The following B3GALT1 variants were observed in gnomAD, a reference collection of about 807,000 sequenced individuals.
B3GALT1 encodes UDP-Gal:betaGlcNAc beta 1,3-galactosyltransferase, polypeptide 1.
B3GALT1 carries 10 observed loss-of-function variants against 23.2 expected under a neutral mutation model. That is an observed-to-expected ratio of 0.43 (90% CI 0.27 to 0.73). B3GALT1 has a LOEUF of 0.73. Ranked by LOEUF, B3GALT1 falls within the 30% of genes least tolerant of loss-of-function variation. The pLI is 0.21. For missense variants in B3GALT1, 299 were observed against 405.4 expected (o/e 0.74, Z 2.25); for synonymous variants, 156 against 141.5 (o/e 1.10, Z -0.73).
chr2:167,864,096 C>A (rs776501257), intron 4 of B3GALT1, among the ~76,000 whole-genome samples: 7 of 151,918 alleles, frequency 4.6e-5, no homozygotes, highest in Admixed American at 4.6e-4. Flanking sequence ...TTCAGCTTCC[C>A]CACCCTGCTC....
intron 4 of B3GALT1, among the ~76,000 whole-genome samples, chr2:167,839,102 C>G (rs1398872376): frequency 6.6e-6 from 1 of 152,136 alleles, no homozygotes. Flanking sequence ...GAAGCATTCC[C>G]TTTGAAAACT....
intron 4 of B3GALT1, among the ~76,000 whole-genome samples, chr2:167,823,379 C>T (rs931134145): frequency 6.6e-6 from 1 of 152,056 alleles, no homozygotes; most frequent in Non-Finnish European, 1.5e-5. Flanking sequence ...TCATTCTTAA[C>T]TGTGTGTAAA....
chr2:167,644,518 C>T (rs112149355), intron 2 of B3GALT1, among the ~76,000 whole-genome samples: 7,320 of 152,166 alleles, frequency 0.048, 423 homozygotes, highest in African/African-American at 0.14. Context: ...CAGTGGCTCA[C>T]GCCTGTAATC....
chr2:167,337,452 A>G (rs1697077684), intron 1 of B3GALT1, among the ~76,000 whole-genome samples: 1 of 152,146 alleles, frequency 6.6e-6, no homozygotes, highest in Admixed American at 6.6e-5. Flanking sequence ...TTCTGAGGAA[A>G]TATCTGTCCA....
intron 1 of B3GALT1, among the ~76,000 whole-genome samples, chr2:167,382,946 A>T (rs2105277329): frequency 6.6e-6 from 1 of 152,306 alleles, no homozygotes; most frequent in African/African-American, 2.4e-5. Flanking sequence ...GAAATGTGTT[A>T]AAGGTACAAA....
intron 3 of B3GALT1, among the ~76,000 whole-genome samples, chr2:167,706,984 G>A (rs546046419): frequency 6.6e-6 from 1 of 152,164 alleles, no homozygotes; most frequent in African/African-American, 2.4e-5. Flanking sequence ...TTGCTCTCTT[G>A]GAATGCTTGA....
intron 1 of B3GALT1, among the ~76,000 whole-genome samples, chr2:167,450,223 AT>A (rs61648126): frequency 0.87 from 131,714 of 150,550 alleles, 57,696 homozygotes; most frequent in East Asian, 0.97. Context: ...GTCCTGGAAT[AT>A]TTTTTTTTTT....
At chr2:167,631,405 T>A (rs1400480975) in intron 2 of B3GALT1, 1 of 151,858 alleles carries the variant, frequency 6.6e-6, no homozygotes, top group African/African-American at 2.4e-5. Flanking sequence ...AATTTGCCCT[T>A]TTAAAAACTC....
intron 4 of B3GALT1, among the ~76,000 whole-genome samples, chr2:167,825,458 G>A (rs545292764): frequency 2.1e-5 from 3 of 144,356 alleles, no homozygotes; most frequent in African/African-American, 5.3e-5. Flanking sequence ...GTGTGTGTGC[G>A]TGCACGTGTG....
chr2:167,559,162 T>C (rs1403913494), intron 2 of B3GALT1, among the ~76,000 whole-genome samples: 1 of 152,180 alleles, frequency 6.6e-6, no homozygotes, highest in African/African-American at 2.4e-5. Context: ...GAAAATCCAC[T>C]GTTCTGCAGA....
chr2:167,296,456 T>C (rs1019073489), intron 1 of B3GALT1, among the ~76,000 whole-genome samples: 1 of 152,178 alleles, frequency 6.6e-6, no homozygotes, highest in Non-Finnish European at 1.5e-5. Context: ...TTCATTCTCA[T>C]TTTTTCTTTG....
intron 3 of B3GALT1, among the ~76,000 whole-genome samples, chr2:167,651,087 G>A (rs577886292): frequency 2.0e-5 from 3 of 151,572 alleles, no homozygotes; most frequent in South Asian, 2.1e-4. Flanking sequence ...TGAGATTCTC[G>A]GTGAAAAAAG....
intron 1 of B3GALT1, among the ~76,000 whole-genome samples, chr2:167,364,041 A>G (rs1449402276): frequency 2.6e-5 from 4 of 151,778 alleles, no homozygotes; most frequent in South Asian, 2.1e-4. Context: ...GCTGGCACCT[A>G]TAATCCCAGT....
intron 2 of B3GALT1, among the ~76,000 whole-genome samples, chr2:167,623,369 G>T (rs919526082): frequency 1.3e-5 from 2 of 152,128 alleles, no homozygotes; most frequent in African/African-American, 4.8e-5. Flanking sequence ...GCCCATTAGT[G>T]ATAGACTGGA....
intron 2 of B3GALT1, among the ~76,000 whole-genome samples, chr2:167,632,525 T>G (rs901134903): frequency 1.3e-5 from 2 of 152,040 alleles, no homozygotes; most frequent in African/African-American, 4.8e-5. Flanking sequence ...TGGTTTTGAT[T>G]TGCATTTCCC....
chr2:167,485,070 A>G (rs946279335), intron 1 of B3GALT1, among the ~76,000 whole-genome samples: 2 of 152,088 alleles, frequency 1.3e-5, no homozygotes, highest in Non-Finnish European at 2.9e-5. Context: ...AGGCATGTCC[A>G]ACCCCCACTT....
In B3GALT1 at chr2:167,613,576, A is replaced by G. The variant is rs372788305; in HGVS notation, c.-409-33333A>G. ...TTTCTTTAGTCTTGTTTATATTTCC[A>G]ATTTTTAAATTAATGGATGCATGTT... On this transcript the variant is annotated intron_variant, in intron 2 of 4. Transcript: ENST00000392690. Among the ~76,000 whole-genome samples the G allele has an allele frequency of 5.3e-5, 8 of 151,678 alleles. No homozygotes were observed. In the East Asian group the frequency reaches 9.6e-4, roughly 18 times the overall value.
intron 3 of B3GALT1, among the ~76,000 whole-genome samples, chr2:167,662,533 G>A (rs1024061572): frequency 6.6e-6 from 1 of 152,080 alleles, no homozygotes; most frequent in African/African-American, 2.4e-5. Context: ...ATGGCATCAT[G>A]TCTCCCAAAG....
At chr2:167,472,224 G>C (rs550790571) in intron 1 of B3GALT1, among the ~76,000 whole-genome samples, 47 of 152,232 alleles carry the variant, frequency 3.1e-4, no homozygotes, top group African/African-American at 1.0e-3. Flanking sequence ...GCCGTTATGG[G>C]ACTTGAAGTC....
Sources: allele counts gnomAD v4.1 joint callset (sites outside exome capture counted in the v4.1 genomes callset), GRCh38; gene constraint gnomAD v4.1.1; transcripts MANE v1.5; gene names NCBI Gene and HGNC (gene_info 2026-07-23, HGNC 2026-07-21).